The following IGF2BP3 variants were observed in gnomAD, a reference collection of about 807,000 sequenced individuals.
IGF2BP3 encodes the protein insulin like growth factor 2 mRNA binding protein 3.
In IGF2BP3, 9 loss-of-function variants were observed where a neutral mutation model predicts 73.8. That is an observed-to-expected ratio of 0.12 (90% CI 0.07 to 0.21). The LOEUF (loss-of-function observed/expected upper bound fraction) is 0.21. Ranked by LOEUF, IGF2BP3 falls within the 10% of genes least tolerant of loss-of-function variation. The pLI is 1.00. For synonymous variants in IGF2BP3, 258 were observed against 256.7 expected, an observed-to-expected ratio of 1.01 and a Z score of -0.05; for missense variants, 542 against 714.0, an observed-to-expected ratio of 0.76 and a Z score of 2.75.
intron 5 of IGF2BP3, among the ~76,000 whole-genome samples, chr7:23,356,723 G>A (rs1261559924): frequency 1.3e-5 from 2 of 152,108 alleles, no homozygotes; most frequent in African/African-American, 4.8e-5. Context: ...AAGAATAAGA[G>A]GTTGACAATT....
intron 3 of IGF2BP3, among the ~76,000 whole-genome samples, chr7:23,409,427 A>C (rs1304123126): frequency 6.6e-6 from 1 of 152,252 alleles, no homozygotes; most frequent in African/African-American, 2.4e-5. Context: ...GTGGAAAAGC[A>C]AAGTAAAGAC....
chr7:23,411,317 C>A (rs763168425), intron 3 of IGF2BP3, among the ~76,000 whole-genome samples: 1 of 152,202 alleles, frequency 6.6e-6, no homozygotes, highest in Non-Finnish European at 1.5e-5. Context: ...CACAGTGACT[C>A]ATGCCTGTAA....
chr7:23,448,445 T>C (rs1244226655), intron 2 of IGF2BP3, among the ~76,000 whole-genome samples: 2 of 152,228 alleles, frequency 1.3e-5, no homozygotes, highest in Non-Finnish European at 2.9e-5. Context: ...GATCTCACTC[T>C]GTTGCTCAGG....
chr7:23,352,652 T>C (rs200717), intron 5 of IGF2BP3, among the ~76,000 whole-genome samples: 85,205 of 151,830 alleles, frequency 0.56, 26,816 homozygotes, highest in African/African-American at 0.86. Context: ...GAGCATAAAT[T>C]TCAGTGAATT....
At chr7:23,356,976 A>G (rs1785111773) in intron 5 of IGF2BP3, among the ~76,000 whole-genome samples, 1 of 152,204 alleles carries the variant, frequency 6.6e-6, no homozygotes, top group Non-Finnish European at 1.5e-5. Flanking sequence ...TGAAAAACCC[A>G]CAAAACTCTG....
At chr7:23,356,162 A>G (rs1785091152) in intron 5 of IGF2BP3, among the ~76,000 whole-genome samples, 1 of 152,238 alleles carries the variant, frequency 6.6e-6, no homozygotes, top group Admixed American at 6.5e-5. Flanking sequence ...CAGCTTGAAC[A>G]TTAAATAACC....
chr7:23,450,858 T>A (rs113218179), intron 2 of IGF2BP3: 1 of 152,188 alleles, frequency 6.6e-6, no homozygotes, highest in Non-Finnish European at 1.5e-5. Context: ...CTGCACAACA[T>A]AGTGAGATCC....
Position 23,351,441 on chromosome 7 carries a change from C to A in IGF2BP3, c.547G>T (p.Gly183Trp). Residue 183 changes from glycine (G) to tryptophan (W), a missense_variant, in exon 6 of 15, where the codon GGG (glycine) becomes TGG (tryptophan). Transcript: ENST00000258729. ...GLGQRGSSRQ[G>W]SPGSVSKQKP... ...TGCTTGGATACGGATCCTGGAGACC[C>A]CTGCCTTGAGGAGCCCCTCTGCCCA... The A allele has an allele frequency of 6.2e-7, 1 of 1,613,600 alleles. No individual in the cohort carries two copies. The highest frequency in any genetic ancestry group is 8.5e-7 in the Non-Finnish European group (1 of 1,179,812).
chr7:23,346,085 A>T, intron 7 of IGF2BP3, 23 bp from the exon 8 acceptor site: 1 of 1,595,784 alleles, frequency 6.3e-7, no homozygotes. Context: ...AAGTGGCCAT[A>T]AAATTAGAAT....
intron 8 of IGF2BP3, 65 bp downstream of exon 8, chr7:23,345,875 C>T (rs1437459261): frequency 1.0e-5 from 16 of 1,565,144 alleles, no homozygotes; most frequent in Non-Finnish European, 1.4e-5. Context: ...AAGCTAAGCC[C>T]AATACACAAC....
chr7:23,377,299 A>C (rs1785755721), intron 3 of IGF2BP3, among the ~76,000 whole-genome samples: 1 of 152,146 alleles, frequency 6.6e-6, no homozygotes, highest in African/African-American at 2.4e-5. Context: ...CAAATAACCC[A>C]TTTTTTTATG....
intron 11 of IGF2BP3, among the ~76,000 whole-genome samples, chr7:23,318,659 A>G (rs1372944369): frequency 1.3e-5 from 2 of 152,254 alleles, no homozygotes; most frequent in Non-Finnish European, 2.9e-5. Context: ...CTGACTGTGC[A>G]TAGCCTGTAT....
chr7:23,325,897 C>G (rs908893009), intron 10 of IGF2BP3, among the ~76,000 whole-genome samples: 12 of 152,180 alleles, frequency 7.9e-5, no homozygotes, highest in African/African-American at 2.9e-4. Context: ...GAAACTGGAT[C>G]CCTTCCTTAC....
chr7:23,425,298 A>G (rs989782798), intron 2 of IGF2BP3, among the ~76,000 whole-genome samples: 5 of 152,236 alleles, frequency 3.3e-5, no homozygotes, highest in African/African-American at 9.6e-5. Context: ...AAAATACTAC[A>G]TGATTACTCA....
In IGF2BP3 at chr7:23,351,438, A is replaced by C. The variant is rs1583920934; in HGVS notation, c.550T>G (p.Ser184Ala). ...LGQRGSSRQG[S>A]PGSVSKQKPC... ...TTCTGCTTGGATACGGATCCTGGAG[A>C]CCCCTGCCTTGAGGAGCCCCTCTGC... The change falls in exon 6 of 15, where the codon TCT becomes GCT. Residue 184 changes from serine to alanine, a missense_variant. Physicochemically the swap from Ser to Ala is moderately conservative, Grantham distance 99 (BLOSUM62 1). Around this residue, in one of 2 missense-constraint regions of IGF2BP3, gnomAD observed 239 missense variants for 241.9 expected, o/e 0.99. Transcript: ENST00000258729. The C allele has an allele frequency of 1.9e-6, 3 of 1,612,746 alleles. No individual in the cohort carries two copies. Among genetic ancestry groups the C allele is most frequent in the Non-Finnish European group, 2.5e-6 (3 of 1,179,684 alleles).
Position 23,415,348 on chromosome 7 carries a change from C to T in IGF2BP3, c.285+3428G>A, listed in dbSNP as rs376045591. Reference sequence around the variant, plus strand: ...TCGGCTTCACCGCATCCGCAGGTCCCGTCCATCAGTCGGCATCACCGCATC... The same window carrying T: ...TCGGCTTCACCGCATCCGCAGGTCCTGTCCATCAGTCGGCATCACCGCATC... On this transcript the variant is annotated intron_variant, in intron 3 of 14. Transcript: ENST00000258729. 20 of 236,344 alleles carry T rather than the reference C, an allele frequency of 8.5e-5. No individual in the cohort carries two copies. In the East Asian group the frequency reaches 9.1e-4, roughly 11 times the overall value. 14.6% of individuals were successfully genotyped at this position (236,344 alleles called of 1,614,324 possible). A position where few individuals can be genotyped will look rare whatever the true frequency, so the allele number is the denominator to read the frequency against.
chr7:23,458,536 C>A (rs934561786), intron 2 of IGF2BP3, among the ~76,000 whole-genome samples: 3 of 152,148 alleles, frequency 2.0e-5, no homozygotes, highest in African/African-American at 7.2e-5. Flanking sequence ...AGAACATATC[C>A]CCAGGAACCA....
intron 2 of IGF2BP3, among the ~76,000 whole-genome samples, chr7:23,446,878 C>A (rs1194264426): frequency 6.6e-6 from 1 of 152,090 alleles, no homozygotes; most frequent in East Asian, 1.9e-4. Flanking sequence ...GCACTGAAAG[C>A]AATATCACTT....
chr7:23,372,911 C>CA (rs1554322131), intron 3 of IGF2BP3, among the ~76,000 whole-genome samples: 1 of 152,160 alleles, frequency 6.6e-6, no homozygotes, highest in Non-Finnish European at 1.5e-5. Context: ...CAGAAAAGTT[C>CA]ACAGTGTCAG....
Sources: allele counts gnomAD v4.1 joint callset (sites outside exome capture counted in the v4.1 genomes callset), GRCh38; gene constraint gnomAD v4.1.1; regional missense constraint gnomAD v4.1.1; transcripts MANE v1.5; gene names NCBI Gene and HGNC (gene_info 2026-07-23, HGNC 2026-07-21).